OCLN: variants seen among roughly 807,000 people sequenced by gnomAD.
The protein encoded by OCLN is occludin.
A neutral mutation model predicts 47.9 loss-of-function variants in OCLN; 21 were observed. The ratio of observed to expected loss-of-function variants is 0.44; its 90% CI spans 0.31 to 0.63. The LOEUF (loss-of-function observed/expected upper bound fraction) is 0.63. Among genes scored for constraint, OCLN ranks in the 30% least tolerant of loss-of-function variants. OCLN has a pLI of 0.08. For missense variants in OCLN, 360 were observed against 571.0 expected (o/e 0.63, Z 3.77); for synonymous variants, 117 against 198.4 (o/e 0.59, Z 3.45).
intron 1 of OCLN, among the ~76,000 whole-genome samples, chr5:69,503,505 G>T (rs1768515396): frequency 6.6e-6 from 1 of 152,154 alleles, no homozygotes; most frequent in Non-Finnish European, 1.5e-5. Context: ...GAAGAGCCAG[G>T]ACCCCAGCGC....
chr5:69,522,894 C>CTTTTATTTTTTTT (rs1769179092), intron 4 of OCLN, among the ~76,000 whole-genome samples: 1 of 116,890 alleles, frequency 8.6e-6, no homozygotes, highest in Middle Eastern at 4.0e-3. Context: ...GCCTGGCTGA[C>CTTTTATTTTTTTT]TTTTTTTTTT....
chr5:69,549,178 A>G (rs1391763968), intron 7 of OCLN, among the ~76,000 whole-genome samples: 5 of 136,292 alleles, frequency 3.7e-5, no homozygotes, highest in Admixed American at 2.2e-4. Context: ...AAAAAAAAAA[A>G]AAAATACAAA....
At chr5:69,518,967 T>C (rs767887882) in intron 4 of OCLN, among the ~76,000 whole-genome samples, 5 of 152,034 alleles carry the variant, frequency 3.3e-5, no homozygotes, top group African/African-American at 7.3e-5. Flanking sequence ...CAAGACCCTA[T>C]CTCTACAAAA....
intron 4 of OCLN, among the ~76,000 whole-genome samples, chr5:69,523,462 A>G (rs1769195985): frequency 2.0e-5 from 3 of 152,122 alleles, no homozygotes. Context: ...TGACAAAGCC[A>G]GGATTAGAAC....
At chr5:69,515,684 C>G (rs942384118) in intron 4 of OCLN, among the ~76,000 whole-genome samples, 1 of 151,392 alleles carries the variant, frequency 6.6e-6, no homozygotes, top group African/African-American at 2.4e-5. Flanking sequence ...GGCAGAGACG[C>G]TCCTCACTTC....
intron 4 of OCLN, among the ~76,000 whole-genome samples, chr5:69,532,999 A>ATGTATGTGTG (rs1769477313): frequency 7.3e-6 from 1 of 137,596 alleles, no homozygotes; most frequent in Non-Finnish European, 1.5e-5. Context: ...GTATGCATGT[A>ATGTATGTGTG]TGTGTGTGTG....
At position 69,505,331 on chromosome 5, in the gene OCLN, A is replaced by G. The variant is rs144071325; in HGVS notation, c.50+1037A>G. ...TTTACAATTTACCCATTTAGAATGG[A>G]TAGTTTAATGGTTTTTAGTATATTC... On this transcript the variant is annotated intron_variant, in intron 2 of 8. Coordinates refer to ENST00000396442, the MANE Select transcript of OCLN (RefSeq NM_001205254.2). 3.3e-3 allele frequency among the ~76,000 whole-genome samples: 501 copies of G among 152,332 alleles called. 3 individuals carry two copies. The highest frequency in any genetic ancestry group is 0.012 in the African/African-American group (487 of 41,578).
In OCLN at chr5:69,508,868, A is replaced by C. The variant is rs377160631; in HGVS notation, c.51-273A>C. Among the ~76,000 whole-genome samples, 23 of 152,356 alleles carry C rather than the reference A, an allele frequency of 1.5e-4. No individual in the cohort carries two copies. In the East Asian group the frequency reaches 3.9e-3, roughly 26 times the overall value. On this transcript the variant is annotated intron_variant, in intron 2 of 8. Transcript: ENST00000396442. ...CCTGGTTATATACCCTAGAAAAATA[A>C]GTACTGTTCCGTACCAGAATACACA...
Position 69,493,668 on chromosome 5 carries a change from A to T in OCLN, c.-69+768A>T, listed in dbSNP as rs1018353793. On this transcript the variant is annotated intron_variant, in intron 1 of 8. Coordinates refer to ENST00000396442, the MANE Select transcript of OCLN (RefSeq NM_001205254.2). This position sits in a 1 kb window ranked among gnomAD's most constrained non-coding sequence, Gnocchi z 5.3. ...GCCTCCGGGCGGTGCCTGCCCGGCG[A>T]ACGTGGGCGCGCGCTGCCTGGGAGC... is the stretch of plus-strand genomic sequence containing the variant. Among the ~76,000 whole-genome samples, 12 of 152,036 alleles carry T rather than the reference A, an allele frequency of 7.9e-5. No homozygotes were observed. Among genetic ancestry groups the T allele is most frequent in the African/African-American group, 2.2e-4 (9 of 41,406 alleles).
rs1438262363 is a variant in OCLN at position 69,555,661 on chromosome 5, A to G, written c.*1990A>G. The G allele has an allele frequency of 3.3e-5, 5 of 152,106 alleles. No individual in the cohort carries two copies. Among genetic ancestry groups the G allele is most frequent in the Non-Finnish European group, 5.9e-5 (4 of 68,028 alleles). The allele number at this position is 152,106 out of a possible 1,614,324, so 9.4% of individuals were successfully genotyped here. A position where few individuals can be genotyped will look rare whatever the true frequency, so the allele number is the denominator to read the frequency against. On this transcript the variant is annotated 3_prime_UTR_variant, in exon 9 of 9. Coordinates refer to ENST00000396442, the MANE Select transcript of OCLN (RefSeq NM_001205254.2). ...ACTGATTTATTTCTGCAAATTGAAT[A>G]AATTCTTAATTTTCTGCATGCACAT...
chr5:69,505,249 T>G (rs1561332457), intron 2 of OCLN, among the ~76,000 whole-genome samples: 1 of 152,084 alleles, frequency 6.6e-6, no homozygotes. Context: ...AAACTCCGTC[T>G]CAAAAAATAA....
In OCLN at chr5:69,504,284, C is replaced by T. The variant is rs1454090118; in HGVS notation, c.40C>T (p.Pro14Ser). ...TCTTGAAAGTCCACCTCCTTACAGG[C>T]CTGATGAATTGTAAGTAAATAATTC... ...RPLESPPPYR[P>S]DEFKPNHYAP... Residue 14 changes from proline (P) to serine (S), a missense_variant, in exon 2 of 9, where the codon CCT becomes TCT. Coordinates refer to ENST00000396442, the MANE Select transcript of OCLN (RefSeq NM_001205254.2). The T allele has an allele frequency of 1.3e-6, 2 of 1,590,250 alleles. No homozygotes were observed. The highest frequency in any genetic ancestry group is 1.3e-5 in the African/African-American group (1 of 74,444).
intron 5 of OCLN, among the ~76,000 whole-genome samples, chr5:69,536,270 C>G (rs1769581992): frequency 1.3e-5 from 2 of 149,258 alleles, no homozygotes; most frequent in Admixed American, 6.8e-5. Flanking sequence ...TTTATAAACA[C>G]TATACTTAGG....
chr5:69,528,725 A>T (rs1769349447), intron 4 of OCLN, among the ~76,000 whole-genome samples: 1 of 152,218 alleles, frequency 6.6e-6, no homozygotes, highest in Non-Finnish European at 1.5e-5. Flanking sequence ...CAATTTCCTC[A>T]TCTGAAAATA....
chr5:69,494,581 T>G (rs1768240009), intron 1 of OCLN, among the ~76,000 whole-genome samples: 1 of 152,194 alleles, frequency 6.6e-6, no homozygotes, highest in African/African-American at 2.4e-5. Context: ...ACTTTTTTTT[T>G]GGTCGTTTTG....
In OCLN at chr5:69,509,814, C is replaced by T. The variant is rs1472215562; in HGVS notation, c.724C>T (p.Gln242Ter). The T allele has an allele frequency of 2.5e-6, 4 of 1,613,076 alleles. No homozygotes were observed. In the South Asian group the frequency reaches 3.3e-5, roughly 13 times the overall value. Reference sequence around the variant, plus strand: ...GTATCACTACTGTGTTGTGGATCCCCAGGAGGTATGAGTGGTGTTTTGGGT... The same window carrying T: ...GTATCACTACTGTGTTGTGGATCCCTAGGAGGTATGAGTGGTGTTTTGGGT... ...YLYHYCVVDP[Q>*]EAIAIVLGFM... is the part of the protein sequence containing the mutation. Residue 242 changes from glutamine to a stop codon, truncating the protein, a stop_gained, in exon 3 of 9, where the codon CAG (glutamine) becomes TAG (stop). Coordinates refer to ENST00000396442, the MANE Select transcript of OCLN (RefSeq NM_001205254.2). LOFTEE classifies it high-confidence loss of function.
At chr5:69,494,632 G>A (rs1198785941) in intron 1 of OCLN, among the ~76,000 whole-genome samples, 1 of 152,192 alleles carries the variant, frequency 6.6e-6, no homozygotes, top group Non-Finnish European at 1.5e-5. Flanking sequence ...GTTAGGTGAC[G>A]GAGCAGAGGA....
chr5:69,518,274 A>G (rs1769033021), intron 4 of OCLN, among the ~76,000 whole-genome samples: 1 of 152,188 alleles, frequency 6.6e-6, no homozygotes, highest in African/African-American at 2.4e-5. Flanking sequence ...GTTTCTCTCT[A>G]GTAACAAGTA....
At chr5:69,536,056 G>C (rs1170589607) in intron 5 of OCLN, among the ~76,000 whole-genome samples, 3 of 152,232 alleles carry the variant, frequency 2.0e-5, no homozygotes, top group Non-Finnish European at 4.4e-5. Context: ...GGCGGAGGTT[G>C]TTGTAAGTGG....
Sources: allele counts gnomAD v4.1 joint callset (sites outside exome capture counted in the v4.1 genomes callset), GRCh38; gene constraint gnomAD v4.1.1; non-coding constraint Gnocchi (gnomAD v3.1); transcripts MANE v1.5; gene names NCBI Gene and HGNC (gene_info 2026-07-23, HGNC 2026-07-21).